Variants in MAP4K3 observed in about 807,000 individuals in gnomAD.
The protein encoded by MAP4K3 is MAPK/ERK kinase kinase kinase 3.
Under a neutral mutation model 143.5 loss-of-function variants are expected in MAP4K3, and 94 were observed. That is an observed-to-expected ratio of 0.65 (90% CI 0.55 to 0.78). The LOEUF (loss-of-function observed/expected upper bound fraction) is 0.78, where lower values mean the gene tolerates loss of function less well. Ranked by LOEUF, MAP4K3 falls within the 30% of genes least tolerant of loss-of-function variation. The pLI is 0.00. For missense variants in MAP4K3, 1,077 were observed against 1,068.1 expected (o/e 1.01, Z -0.12); for synonymous variants, 416 against 347.2 (o/e 1.20, Z -2.20).
At chr2:39,338,038 C>A (rs1282336522) in intron 4 of MAP4K3, among the ~76,000 whole-genome samples, 6 of 152,048 alleles carry the variant, frequency 3.9e-5, no homozygotes, top group Non-Finnish European at 8.8e-5. Context: ...GCTGGAATTA[C>A]AGGTGTGAGC....
At chr2:39,383,709 T>C (rs1666413106) in intron 1 of MAP4K3, among the ~76,000 whole-genome samples, 1 of 151,934 alleles carries the variant, frequency 6.6e-6, no homozygotes. Context: ...AATTATAAGG[T>C]TAATATACCA....
intron 2 of MAP4K3, among the ~76,000 whole-genome samples, chr2:39,376,609 A>C (rs1312221807): frequency 1.3e-5 from 2 of 152,208 alleles, no homozygotes; most frequent in East Asian, 3.8e-4. Context: ...AATTTGATTA[A>C]AACTTAGAAA....
In MAP4K3 at chr2:39,350,895, C is replaced by A. The variant is rs149270844; in HGVS notation, c.245+5354G>T. 3.7e-4 allele frequency among the ~76,000 whole-genome samples: 57 copies of A among 152,256 alleles called. No individual in the cohort carries two copies. The East Asian group carries it at 8.9e-3, about 24-fold the overall frequency. On this transcript the variant is annotated intron_variant, in intron 3 of 33. Transcript: ENST00000263881. ...CCTCTGGAGGCCACAGGTCCAGCAC[C>A]TGTGGGGTTCAACCAATCGCAGGTT... is the stretch of plus-strand genomic sequence containing the variant.
At position 39,322,704 on chromosome 2, in the gene MAP4K3, C is replaced by T. The variant is rs1420098322; in HGVS notation, c.918+2814G>A. Reference sequence around the variant, plus strand: ...TTTTTTTTTGAGATGGAGTCTCGCTCTGTTGCCCAGGCTGGAGTGCAGTCG... The same window carrying T: ...TTTTTTTTTGAGATGGAGTCTCGCTTTGTTGCCCAGGCTGGAGTGCAGTCG... On this transcript the variant is annotated intron_variant, in intron 12 of 33. Transcript: ENST00000263881. Among the ~76,000 whole-genome samples the T allele has an allele frequency of 7.4e-5, 11 of 148,358 alleles. No homozygotes were observed. The East Asian group carries it at 1.8e-3, about 24-fold the overall frequency.
intron 12 of MAP4K3, among the ~76,000 whole-genome samples, chr2:39,321,701 G>A (rs1244621767): frequency 1.3e-5 from 2 of 152,328 alleles, no homozygotes; most frequent in Admixed American, 1.3e-4. Flanking sequence ...TATAAAACCC[G>A]ATTGTACATT....
At chr2:39,274,283 C>A (rs1157815086) in intron 24 of MAP4K3, among the ~76,000 whole-genome samples, 8 of 149,594 alleles carry the variant, frequency 5.3e-5, no homozygotes, top group Non-Finnish European at 1.5e-5. Context: ...GTGGCGCGAT[C>A]TCCGCTCACT....
At chr2:39,403,611 T>C (rs1438932393) in intron 1 of MAP4K3, among the ~76,000 whole-genome samples, 1 of 151,966 alleles carries the variant, frequency 6.6e-6, no homozygotes, top group Non-Finnish European at 1.5e-5. Flanking sequence ...CTCCCCACCA[T>C]GGGATGAAGT....
chr2:39,425,603 G>A (rs1207852297), intron 1 of MAP4K3, among the ~76,000 whole-genome samples: 2 of 152,150 alleles, frequency 1.3e-5, no homozygotes, highest in Non-Finnish European at 2.9e-5. Context: ...AAGCCAGAAA[G>A]AGAGCATCAC....
chr2:39,252,011 T>C (rs1680171519), intron 32 of MAP4K3, 126 bp from the exon 33 acceptor site: 1 of 681,256 alleles, frequency 1.5e-6, no homozygotes, highest in Non-Finnish European at 2.6e-6. Flanking sequence ...CCTGCATGAC[T>C]GTTTGTTAAA....
chr2:39,404,617 C>CTTTTT (rs1174319224), intron 1 of MAP4K3, among the ~76,000 whole-genome samples: 28 of 86,100 alleles, frequency 3.3e-4, no homozygotes, highest in South Asian at 1.2e-3. Flanking sequence ...TTCTTTCTTT[C>CTTTTT]TTTTTTTTTT....
At chr2:39,362,367 C>T (rs1195528811) in intron 2 of MAP4K3, among the ~76,000 whole-genome samples, 1 of 152,030 alleles carries the variant, frequency 6.6e-6, no homozygotes, top group Admixed American at 6.6e-5. Flanking sequence ...AAACTGTTAG[C>T]ACTAATAAAC....
intron 28 of MAP4K3, among the ~76,000 whole-genome samples, chr2:39,263,675 G>C (rs1680661213): frequency 6.6e-6 from 1 of 152,146 alleles, no homozygotes; most frequent in Admixed American, 6.5e-5. Context: ...TTTAAGAAAA[G>C]GGAGAAGAGT....
chr2:39,385,614 C>A (rs13013536), intron 1 of MAP4K3, among the ~76,000 whole-genome samples: 2 of 128,898 alleles, frequency 1.6e-5, no homozygotes, highest in African/African-American at 6.5e-5. Flanking sequence ...AGTCCTTTGT[C>A]AGATATATGA....
chr2:39,332,467 CTT>C (rs1683713623), intron 7 of MAP4K3, among the ~76,000 whole-genome samples: 1 of 151,944 alleles, frequency 6.6e-6, no homozygotes, highest in African/African-American at 2.4e-5. Flanking sequence ...TATCCCCAAA[CTT>C]AACAATACAT....
At chr2:39,360,656 T>A (rs1444474901) in intron 2 of MAP4K3, among the ~76,000 whole-genome samples, 1 of 152,180 alleles carries the variant, frequency 6.6e-6, no homozygotes. Context: ...CAGTGTGGCA[T>A]GGCTGGGGAG....
chr2:39,273,286 T>C (rs942224007), intron 24 of MAP4K3, among the ~76,000 whole-genome samples: 2 of 152,144 alleles, frequency 1.3e-5, no homozygotes, highest in African/African-American at 4.8e-5. Context: ...CCTGGGCACA[T>C]GGTAGAAATG....
At chr2:39,355,743 G>A (rs1007709146) in intron 3 of MAP4K3, among the ~76,000 whole-genome samples, 1 of 152,076 alleles carries the variant, frequency 6.6e-6, no homozygotes, top group African/African-American at 2.4e-5. Flanking sequence ...TAAGAGAAAG[G>A]AAATTCACAG....
chr2:39,381,523 T>C (rs1456817795), intron 1 of MAP4K3, among the ~76,000 whole-genome samples: 1 of 152,248 alleles, frequency 6.6e-6, no homozygotes, highest in Non-Finnish European at 1.5e-5. Flanking sequence ...CTTGTGTTTT[T>C]AGTGTTGCAG....
At chr2:39,374,130 C>G (rs555122426) in intron 2 of MAP4K3, among the ~76,000 whole-genome samples, 1 of 152,246 alleles carries the variant, frequency 6.6e-6, no homozygotes, top group South Asian at 2.1e-4. Context: ...ATCTGTAATC[C>G]CAGTACTTTG....
Sources: gnomAD v4.1 joint callset for allele counts (sites outside exome capture counted in the v4.1 genomes callset) on GRCh38, gnomAD v4.1.1 for gene constraint, MANE v1.5 for transcripts, NCBI Gene and HGNC (gene_info 2026-07-23, HGNC 2026-07-21) for gene names.